CSF1R: variants seen among roughly 807,000 people sequenced by gnomAD.
The protein encoded by CSF1R is colony stimulating factor 1 receptor.
A neutral mutation model predicts 110.0 loss-of-function variants in CSF1R; 40 were observed. That is an observed-to-expected ratio of 0.36 (90% confidence interval 0.28 to 0.47). The LOEUF is 0.47. Ranked by LOEUF, CSF1R falls within the 20% of genes least tolerant of loss-of-function variation. The probability of loss-of-function intolerance (pLI) is 0.99; values close to 1 mark genes in which losing one functional copy is unlikely to be tolerated. For missense variants in CSF1R, 1,052 were observed against 1,253.0 expected, an observed-to-expected ratio of 0.84 and a Z score of 2.42; for synonymous variants, 523 against 503.4, an observed-to-expected ratio of 1.04 and a Z score of -0.52.
At chr5:150,059,052 CTT>C (rs977967795) in intron 14 of CSF1R, among the ~76,000 whole-genome samples, 2 of 142,460 alleles carry the variant, frequency 1.4e-5, no homozygotes, top group African/African-American at 3.1e-5. Flanking sequence ...AGCCATCTCT[CTT>C]TTTTTTTGAG....
At chr5:150,069,823 G>C in intron 9 of CSF1R, 50 bp downstream of exon 9, 1 of 1,250,488 alleles carries the variant, frequency 8.0e-7, no homozygotes, top group Non-Finnish European at 1.0e-6. Flanking sequence ...AAAGGAGCAG[G>C]GGCGGGGGGC....
intron 1 of CSF1R, chr5:150,094,237 C>A: frequency 2.1e-6 from 2 of 940,760 alleles, no homozygotes; most frequent in Non-Finnish European, 3.2e-6. Context: ...TACAAGAAGA[C>A]ATAACAATCC....
intron 14 of CSF1R, chr5:150,058,316 T>C (rs932666699): frequency 8.8e-6 from 4 of 456,284 alleles, no homozygotes; most frequent in Admixed American, 7.0e-5. Context: ...AGCACTACTG[T>C]AGACTGAAGC....
rs183352984 is a variant in CSF1R, at chr5:150,112,390, T to C, written c.-181+871A>G. On this transcript the variant is annotated intron_variant, in intron 1 of 21. Transcript: ENST00000286301. The stretch of plus-strand genomic sequence containing the variant: ...CTGGGGCATAGTAACTGTTGGATAG[T>C]GGTAGTCAGATTTTTATCAACCTTT... 1.2e-3 allele frequency among the ~76,000 whole-genome samples: 176 copies of C among 152,306 alleles called. 1 individual carries two copies. Among genetic ancestry groups the C allele is most frequent in the African/African-American group, 4.0e-3 (165 of 41,564 alleles).
At chr5:150,085,296 C>CT (rs1758793588) in intron 1 of CSF1R, among the ~76,000 whole-genome samples, 2 of 78,658 alleles carry the variant, frequency 2.5e-5, no homozygotes. Flanking sequence ...AAAAAAAACC[C>CT]AAATACTCAA....
chr5:150,057,503 C>T lies in CSF1R; in HGVS notation c.2221+1G>A. 6.2e-7 allele frequency: 1 copy of T among 1,614,114 alleles called. No individual in the cohort carries two copies. The highest frequency in any genetic ancestry group is 8.5e-7 in the Non-Finnish European group (1 of 1,179,930). On this transcript the variant is annotated splice_donor_variant, in intron 15 of 20. Coordinates refer to ENST00000675795, the MANE Select transcript of CSF1R (RefSeq NM_001288705.3). LOFTEE classifies it high-confidence loss of function. ...GGGGCCTGGCCCTGGGACCTCCTCACCTTGCTCAGAGAAGGAGTCATTTGA... is the reference window on the plus strand; with the variant it reads ...GGGGCCTGGCCCTGGGACCTCCTCATCTTGCTCAGAGAAGGAGTCATTTGA...
At chr5:150,099,036 G>T (rs1759313756) in intron 1 of CSF1R, among the ~76,000 whole-genome samples, 1 of 150,744 alleles carries the variant, frequency 6.6e-6, no homozygotes, top group Admixed American at 6.6e-5. Flanking sequence ...TGGGATTGCA[G>T]GTGCCCGCCA....
Position 150,061,598 on chromosome 5 carries a change from G to T in CSF1R, c.1754-3C>A. 6.2e-7 allele frequency: 1 copy of T among 1,614,072 alleles called. No individual in the cohort carries two copies. The highest frequency in any genetic ancestry group is 1.3e-5 in the African/African-American group (1 of 75,010). On this transcript the variant is annotated splice_polypyrimidine_tract_variant and splice_region_variant and intron_variant, in intron 11 of 20. Coordinates refer to ENST00000675795, the MANE Select transcript of CSF1R (RefSeq NM_001288705.3). The stretch of plus-strand genomic sequence containing the variant: ...GGCTCCAGCTCCGAGGGTCTTACCT[G>T]CCACGCACACAGGTCCCTTAAGTCC...
chr5:150,056,848 C>T (rs58250769), intron 16 of CSF1R, among the ~76,000 whole-genome samples: 9,702 of 152,206 alleles, frequency 0.064, 590 homozygotes, highest in Admixed American at 0.2. Flanking sequence ...AAACCACTGA[C>T]TCCCGAATCT....
At chr5:150,058,155 G>A (rs1363675210) in intron 14 of CSF1R, 5 of 453,750 alleles carry the variant, frequency 1.1e-5, no homozygotes, top group Admixed American at 2.4e-5. Flanking sequence ...TGCTGCTTAC[G>A]CTGCAACTCA....
chr5:150,087,802 C>T (rs1016971406), upstream of CSF1R, among the ~76,000 whole-genome samples: 3 of 149,666 alleles, frequency 2.0e-5, no homozygotes, highest in Non-Finnish European at 4.5e-5. Flanking sequence ...AGTGTGATCT[C>T]GGCTCACTGC....
chr5:150,055,350 G>A lies in CSF1R; in HGVS notation c.2555-14C>T. On this transcript the variant is annotated splice_polypyrimidine_tract_variant and intron_variant, in intron 18 of 20. Transcript: ENST00000675795. ...AGGGATTCAGCCCTGCAAAGGCCAA[G>A]ATCAGGTAAGAGGCCATGCCCATTG... is the stretch of plus-strand genomic sequence containing the variant. 5 of 1,609,336 alleles carry A rather than the reference G, an allele frequency of 3.1e-6. No homozygotes were observed. The highest frequency in any genetic ancestry group is 4.3e-6 in the Non-Finnish European group (5 of 1,175,598).
At chr5:150,093,673 A>G (rs1759117447) in intron 1 of CSF1R, among the ~76,000 whole-genome samples, 1 of 152,264 alleles carries the variant, frequency 6.6e-6, no homozygotes. Flanking sequence ...ATAAGAAATC[A>G]TAAATGTTTA....
intron 1 of CSF1R, chr5:150,094,596 A>G: frequency 1.3e-6 from 2 of 1,571,456 alleles, no homozygotes; most frequent in South Asian, 1.1e-5. Flanking sequence ...CAGAGGTATC[A>G]ATGGAGTGAG....
chr5:150,073,583 CCT>C, intron 5 of CSF1R, 90 bp from the exon 6 acceptor site: 1 of 1,366,466 alleles, frequency 7.3e-7, no homozygotes, highest in South Asian at 1.3e-5. Flanking sequence ...TGATCCAGTC[CCT>C]GAGCAGCTAT....
chr5:150,060,321 C>T (rs572419069), intron 13 of CSF1R, among the ~76,000 whole-genome samples: 28 of 146,858 alleles, frequency 1.9e-4, no homozygotes, highest in East Asian at 3.9e-4. Context: ...AGTGAGGCTC[C>T]GTCTCAAGAA....
intron 1 of CSF1R, among the ~76,000 whole-genome samples, chr5:150,092,418 A>G (rs1759073873): frequency 6.6e-6 from 1 of 150,388 alleles, no homozygotes; most frequent in South Asian, 2.1e-4. Flanking sequence ...ATAGTACTAA[A>G]CCCTGTATAT....
In CSF1R at chr5:150,053,977, G is replaced by T; in HGVS notation, c.*92C>A. ...CGAGCTGTTGAGTGAAATGACCGAAGGCAGAGTTTGTATGTTCTCCCCGTG... is the reference window on the plus strand; with the variant it reads ...CGAGCTGTTGAGTGAAATGACCGAATGCAGAGTTTGTATGTTCTCCCCGTG... On this transcript the variant is annotated 3_prime_UTR_variant, in exon 21 of 21. Coordinates refer to ENST00000675795, the MANE Select transcript of CSF1R (RefSeq NM_001288705.3). The T allele has an allele frequency of 7.6e-7, 1 of 1,311,576 alleles. No individual in the cohort carries two copies. Among genetic ancestry groups the T allele is most frequent in the Non-Finnish European group, 1.1e-6 (1 of 932,186 alleles). The allele number at this position is 1,311,576 out of a possible 1,614,324, so 81.2% of individuals were successfully genotyped here. A position where few individuals can be genotyped will look rare whatever the true frequency, so the allele number is the denominator to read the frequency against.
intron 1 of CSF1R, chr5:150,094,787 C>T (rs1759164295): frequency 6.5e-7 from 1 of 1,540,304 alleles, no homozygotes; most frequent in African/African-American, 1.4e-5. Flanking sequence ...ATGGCAAAAT[C>T]AATAAGAAGC....
Sources: gnomAD v4.1 joint callset for allele counts (sites outside exome capture counted in the v4.1 genomes callset) on GRCh38, gnomAD v4.1.1 for gene constraint, MANE v1.5 for transcripts, NCBI Gene and HGNC (gene_info 2026-07-23, HGNC 2026-07-21) for gene names.